Variants in HDAC9 observed in about 807,000 individuals in gnomAD.
HDAC9 encodes the protein MEF-2 interacting transcription repressor (MITR) protein.
HDAC9 carries 41 observed loss-of-function variants against 139.4 expected under a neutral mutation model. The observed-to-expected ratio is 0.29, with a 90% CI of 0.23 to 0.38. The LOEUF is 0.38. Ranked by LOEUF, HDAC9 falls within the 10% of genes least tolerant of loss-of-function variation. The probability of loss-of-function intolerance (pLI) is 1.00; values close to 1 mark genes in which losing one functional copy is unlikely to be tolerated. For synonymous variants in HDAC9, 517 were observed against 476.2 expected (o/e 1.09, Z -1.12); for missense variants, 1,147 against 1,297.0 (o/e 0.88, Z 1.78).
chr7:18,361,089 T>C (rs1783740079), intron 1 of HDAC9, among the ~76,000 whole-genome samples: 1 of 152,082 alleles, frequency 6.6e-6, no homozygotes. Context: ...GTGCTTTAGC[T>C]AGCAAATTTT....
At chr7:18,957,258 A>G (rs190276126) in intron 24 of HDAC9, among the ~76,000 whole-genome samples, 6 of 152,124 alleles carry the variant, frequency 3.9e-5, no homozygotes, top group Non-Finnish European at 8.8e-5. Context: ...GGTTATAACT[A>G]TGTGTCTTAG....
chr7:18,759,093 A>C (rs182493576), intron 14 of HDAC9, among the ~76,000 whole-genome samples: 1 of 152,282 alleles, frequency 6.6e-6, no homozygotes, highest in East Asian at 1.9e-4. Context: ...CTAGAGTATA[A>C]CTAGCGGAGA....
chr7:18,358,181 C>G (rs932147569), intron 1 of HDAC9, among the ~76,000 whole-genome samples: 4 of 152,052 alleles, frequency 2.6e-5, no homozygotes, highest in Non-Finnish European at 5.9e-5. Context: ...GAGAGATACT[C>G]CATCTCAAAA....
At position 18,996,699 on chromosome 7, in the gene HDAC9, T is replaced by A. The variant is rs1259195453; in HGVS notation, c.*637T>A. ...TTTTTTCAGTATCTCGAAGTCCAAATGCCAAAGGAACCTCACACACTGTTT... is the reference window on the plus strand; with the variant it reads ...TTTTTTCAGTATCTCGAAGTCCAAAAGCCAAAGGAACCTCACACACTGTTT... On this transcript the variant is annotated 3_prime_UTR_variant, in exon 26 of 26. Transcript: ENST00000686413. The A allele has an allele frequency of 1.3e-5, 2 of 152,220 alleles. No individual in the cohort carries two copies. The highest frequency in any genetic ancestry group is 2.9e-5 in the Non-Finnish European group (2 of 68,080). The allele number at this position is 152,220 out of a possible 1,614,324, so 9.4% of individuals were successfully genotyped here.
chr7:18,176,221 C>T (rs978639290), intron 2 of HDAC9, among the ~76,000 whole-genome samples: 1 of 152,196 alleles, frequency 6.6e-6, no homozygotes, highest in Non-Finnish European at 1.5e-5. Context: ...TCTGCTGTTA[C>T]TGGAAAGCCT....
chr7:18,678,102 A>G (rs1303638277), intron 12 of HDAC9, among the ~76,000 whole-genome samples: 15 of 151,924 alleles, frequency 9.9e-5, no homozygotes, highest in African/African-American at 2.7e-4. Context: ...TTAGAAATCA[A>G]TTGAACATAT....
At chr7:18,579,013 A>T (rs77469473) in intron 2 of HDAC9, among the ~76,000 whole-genome samples, 11,480 of 152,306 alleles carry the variant, frequency 0.075, 635 homozygotes, top group African/African-American at 0.17. Context: ...AAACAATAGG[A>T]TAAGGCAGCA....
At chr7:18,695,459 G>A (rs764957599) in intron 12 of HDAC9, among the ~76,000 whole-genome samples, 10 of 152,110 alleles carry the variant, frequency 6.6e-5, no homozygotes, top group Non-Finnish European at 1.2e-4. Context: ...CAACATTTTT[G>A]GAGATTGATT....
chr7:18,453,104 G>C (rs905417082), intron 1 of HDAC9, among the ~76,000 whole-genome samples: 1 of 151,992 alleles, frequency 6.6e-6, no homozygotes, highest in Non-Finnish European at 1.5e-5. Flanking sequence ...CTTCTAATCA[G>C]AATTTTCCTT....
chr7:18,912,154 T>C (rs890336204), intron 22 of HDAC9, among the ~76,000 whole-genome samples: 2 of 152,040 alleles, frequency 1.3e-5, no homozygotes, highest in Non-Finnish European at 2.9e-5. Context: ...TTGCTTTACG[T>C]ATCTGGGTGC....
intron 17 of HDAC9, among the ~76,000 whole-genome samples, chr7:18,821,114 G>A (rs1337347060): frequency 6.6e-6 from 1 of 152,164 alleles, no homozygotes; most frequent in African/African-American, 2.4e-5. Flanking sequence ...TCCTTACAGG[G>A]TAGAAGGCGA....
intron 1 of HDAC9, among the ~76,000 whole-genome samples, chr7:18,427,136 CACA>C (rs1319429067): frequency 6.6e-6 from 1 of 152,168 alleles, no homozygotes; most frequent in Non-Finnish European, 1.5e-5. Flanking sequence ...TTGTTGCAGG[CACA>C]ACAACACCCT....
At chr7:18,659,657 G>A (rs1360596557) in intron 11 of HDAC9, among the ~76,000 whole-genome samples, 1 of 152,074 alleles carries the variant, frequency 6.6e-6, no homozygotes, top group Non-Finnish European at 1.5e-5. Flanking sequence ...ATGAGTATGA[G>A]CACACACAAA....
At chr7:18,295,578 T>C (rs1321055036) in intron 1 of HDAC9, among the ~76,000 whole-genome samples, 2 of 152,184 alleles carry the variant, frequency 1.3e-5, no homozygotes, top group African/African-American at 4.8e-5. Flanking sequence ...CATAACTGTA[T>C]GGTATACAAG....
chr7:18,310,973 T>C (rs983933473), intron 1 of HDAC9, among the ~76,000 whole-genome samples: 11 of 152,106 alleles, frequency 7.2e-5, no homozygotes, highest in Non-Finnish European at 1.3e-4. Context: ...TTGATGGTTA[T>C]TTATATAGAT....
intron 13 of HDAC9, among the ~76,000 whole-genome samples, chr7:18,747,122 T>G (rs1010873101): frequency 6.6e-6 from 1 of 152,152 alleles, no homozygotes; most frequent in Non-Finnish European, 1.5e-5. Context: ...GAAGGAAGGC[T>G]TTTGTAGGCG....
intron 22 of HDAC9, among the ~76,000 whole-genome samples, chr7:18,877,865 T>C (rs1023080660): frequency 2.6e-5 from 4 of 152,170 alleles, no homozygotes; most frequent in African/African-American, 4.8e-5. Flanking sequence ...TTTTCTGTTA[T>C]GAAACTACAA....
Position 18,647,782 on chromosome 7 carries a change from C to T in HDAC9, c.1036-3C>T. The T allele has an allele frequency of 1.2e-6, 2 of 1,602,270 alleles. No individual in the cohort carries two copies. The highest frequency in any genetic ancestry group is 1.1e-5 in the South Asian group (1 of 89,262). On this transcript the variant is annotated splice_polypyrimidine_tract_variant and splice_region_variant and intron_variant, in intron 9 of 25. Coordinates refer to ENST00000686413, the MANE Select transcript of HDAC9 (RefSeq NM_178425.4). ...TTAACATCTTTGTTATTTCTCAACA[C>T]AGGCTTCGAATTCACTCAAAGAAAA...
At chr7:18,274,978 T>C (rs1192520965) in intron 2 of HDAC9, among the ~76,000 whole-genome samples, 1 of 152,186 alleles carries the variant, frequency 6.6e-6, no homozygotes, top group Non-Finnish European at 1.5e-5. Context: ...GAATGCCATT[T>C]ACGTGACAGT....
Sources: gnomAD v4.1 joint callset for allele counts (sites outside exome capture counted in the v4.1 genomes callset) on GRCh38, gnomAD v4.1.1 for gene constraint, MANE v1.5 for transcripts, NCBI Gene and HGNC (gene_info 2026-07-23, HGNC 2026-07-21) for gene names.